The following MPHOSPH9 variants were observed in gnomAD, a reference collection of about 807,000 sequenced individuals.
MPHOSPH9 encodes M-phase phosphoprotein 9.
MPHOSPH9 carries 88 observed loss-of-function variants against 145.5 expected under a neutral mutation model. The ratio of observed to expected loss-of-function variants is 0.60; its 90% CI spans 0.51 to 0.72. MPHOSPH9 has a LOEUF of 0.72. Among genes scored for constraint, MPHOSPH9 ranks in the 30% least tolerant of loss-of-function variants. The probability of loss-of-function intolerance (pLI) is 0.00; values close to 1 mark genes in which losing one functional copy is unlikely to be tolerated. For synonymous variants in MPHOSPH9, 435 were observed against 486.2 expected, an observed-to-expected ratio of 0.89 and a Z score of 1.39; for missense variants, 1,238 against 1,386.6, an observed-to-expected ratio of 0.89 and a Z score of 1.70.
chr12:123,243,024 A>G (rs2047966566), intron 1 of MPHOSPH9, among the ~76,000 whole-genome samples: 1 of 152,206 alleles, frequency 6.6e-6, no homozygotes, highest in South Asian at 2.1e-4. Flanking sequence ...AGTCTACTCA[A>G]TCTTTCGTAG....
rs527666023 is a variant in MPHOSPH9, at chr12:123,201,535, A to G, written c.1937+629T>C. ...AGTGGGACCACAGGTACACGCCACC[A>G]TGCCCAACTAACGTTTTAATTTTTT... On this transcript the variant is annotated intron_variant, in intron 11 of 23. Coordinates refer to ENST00000606320, the MANE Select transcript of MPHOSPH9 (RefSeq NM_022782.4). Among the ~76,000 whole-genome samples, 20 of 152,102 alleles carry G rather than the reference A, an allele frequency of 1.3e-4. No homozygotes were observed. In the South Asian group the frequency reaches 2.7e-3, roughly 21 times the overall value.
At chr12:123,228,720 C>G (rs1290821617) in intron 2 of MPHOSPH9, among the ~76,000 whole-genome samples, 1 of 152,086 alleles carries the variant, frequency 6.6e-6, no homozygotes, top group Non-Finnish European at 1.5e-5. Flanking sequence ...TATATGTTAT[C>G]AGTAAAGGAT....
chr12:123,165,542 C>T, intron 17 of MPHOSPH9, 65 bp from the exon 18 acceptor site: 8 of 1,379,782 alleles, frequency 5.8e-6, no homozygotes, highest in Non-Finnish European at 8.1e-6. Context: ...CCCCCCGCCC[C>T]CACACCAAAC....
intron 4 of MPHOSPH9, among the ~76,000 whole-genome samples, chr12:123,222,644 AC>A (rs1213434002): frequency 6.6e-6 from 1 of 151,778 alleles, no homozygotes; most frequent in Non-Finnish European, 1.5e-5. Context: ...ACAGAGTGAG[AC>A]TCCATCTCAA....
At chr12:123,180,852 G>A (rs1465821842) in intron 14 of MPHOSPH9, among the ~76,000 whole-genome samples, 1 of 152,154 alleles carries the variant, frequency 6.6e-6, no homozygotes, top group Non-Finnish European at 1.5e-5. Flanking sequence ...CAACCTGGGT[G>A]TCACAAAACA....
At chr12:123,185,328 TAA>T (rs77235176) in intron 13 of MPHOSPH9, among the ~76,000 whole-genome samples, 6 of 124,388 alleles carry the variant, frequency 4.8e-5, no homozygotes, top group Non-Finnish European at 7.0e-5. Context: ...TGTTAGAAAC[TAA>T]AAAAAAAAAA....
chr12:123,187,135 C>T (rs2045478814), intron 13 of MPHOSPH9, among the ~76,000 whole-genome samples: 1 of 151,980 alleles, frequency 6.6e-6, no homozygotes. Context: ...GTGGTGCTCG[C>T]CTATAATCCC....
upstream of MPHOSPH9, among the ~76,000 whole-genome samples, chr12:123,237,232 G>A (rs971425541): frequency 1.3e-5 from 2 of 152,148 alleles, no homozygotes; most frequent in East Asian, 1.9e-4. Flanking sequence ...CAAGGCAGGC[G>A]CATCACCTGA....
chr12:123,157,383 TAAAAA>T (rs11324033), intron 23 of MPHOSPH9, among the ~76,000 whole-genome samples: 1 of 149,532 alleles, frequency 6.7e-6, no homozygotes, highest in Admixed American at 6.7e-5. Context: ...ATACTTTTCT[TAAAAA>T]AAAAAATAGA....
chr12:123,160,721 A>G, intron 23 of MPHOSPH9, 60 bp downstream of exon 23: 2 of 1,498,278 alleles, frequency 1.3e-6, no homozygotes, highest in Non-Finnish European at 1.8e-6. Flanking sequence ...CCCCTCTTAG[A>G]TAACTGGAAC....
chr12:123,241,232 T>C (rs899366665), intron 1 of MPHOSPH9, among the ~76,000 whole-genome samples: 2 of 151,722 alleles, frequency 1.3e-5, no homozygotes, highest in African/African-American at 4.8e-5. Flanking sequence ...CTTCATGGGC[T>C]CCTCCCACCT....
At chr12:123,160,733 C>T in intron 23 of MPHOSPH9, 48 bp downstream of exon 23, 1 of 1,549,668 alleles carries the variant, frequency 6.5e-7, no homozygotes, top group East Asian at 2.2e-5. Context: ...AACTGGAACA[C>T]TGACTGGCAT....
Position 123,154,987 on chromosome 12 carries a change from T to G in MPHOSPH9, c.*1820A>C, listed in dbSNP as rs1001001046. ...CTGGCCAATATGGTGAAACACCATC[T>G]CTACTAAAAAAAAAAAAAAGATATA... On this transcript the variant is annotated 3_prime_UTR_variant, in exon 24 of 24. Coordinates refer to ENST00000606320, the MANE Select transcript of MPHOSPH9 (RefSeq NM_022782.4). 3 of 91,288 alleles carry G rather than the reference T, an allele frequency of 3.3e-5. No homozygotes were observed. The highest frequency in any genetic ancestry group is 8.3e-5 in the African/African-American group (3 of 36,052). The allele number at this position is 91,288 out of a possible 1,614,324, so 5.7% of individuals were successfully genotyped here.
intron 13 of MPHOSPH9, among the ~76,000 whole-genome samples, chr12:123,182,702 A>T (rs1400766393): frequency 6.6e-6 from 1 of 151,434 alleles, no homozygotes; most frequent in Non-Finnish European, 1.5e-5. Context: ...ACTTGAGGTC[A>T]GGAGTTCGAG....
At chr12:123,165,077 T>C (rs2044259059) in intron 18 of MPHOSPH9, among the ~76,000 whole-genome samples, 1 of 150,320 alleles carries the variant, frequency 6.7e-6, no homozygotes, top group Non-Finnish European at 1.5e-5. Context: ...GAATGTAAGA[T>C]TCAACTGGCT....
intron 7 of MPHOSPH9, among the ~76,000 whole-genome samples, chr12:123,212,763 C>G (rs1408743380): frequency 1.0e-5 from 1 of 99,902 alleles, no homozygotes; most frequent in African/African-American, 3.4e-5. Flanking sequence ...CTACAATGGT[C>G]GACTTTTTTT....
chr12:123,227,999 C>G (rs2047494865), intron 2 of MPHOSPH9, among the ~76,000 whole-genome samples: 1 of 152,180 alleles, frequency 6.6e-6, no homozygotes, highest in African/African-American at 2.4e-5. Flanking sequence ...GATTCTTTCC[C>G]CACTGCCCCA....
intron 13 of MPHOSPH9, among the ~76,000 whole-genome samples, chr12:123,191,256 G>C (rs544137926): frequency 5.3e-5 from 8 of 152,230 alleles, no homozygotes; most frequent in African/African-American, 1.9e-4. Flanking sequence ...GAGAGGCGGA[G>C]GTTGTGGTGA....
At chr12:123,236,806 G>A (rs2047857836), upstream of MPHOSPH9, among the ~76,000 whole-genome samples, 1 of 151,958 alleles carries the variant, frequency 6.6e-6, no homozygotes, top group Non-Finnish European at 1.5e-5. Context: ...AACAAATATG[G>A]GGCCGGGCGC....
Sources: gnomAD v4.1 joint callset for allele counts (sites outside exome capture counted in the v4.1 genomes callset) on GRCh38, gnomAD v4.1.1 for gene constraint, MANE v1.5 for transcripts, NCBI Gene and HGNC (gene_info 2026-07-23, HGNC 2026-07-21) for gene names.